Variants in COA1 observed in about 807,000 individuals in gnomAD.
COA1 encodes cytochrome c oxidase assembly factor 1 homolog.
COA1 carries 13 observed loss-of-function variants against 16.0 expected under a neutral mutation model. The ratio of observed to expected loss-of-function variants is 0.81; its 90% CI spans 0.53 to 1.29. The LOEUF is 1.29. Among genes scored for constraint, COA1 ranks in the 50% most tolerant of loss-of-function variants. The pLI is 0.00. For synonymous variants in COA1, 65 were observed against 65.7 expected, an observed-to-expected ratio of 0.99 and a Z score of 0.05; for missense variants, 179 against 177.0, an observed-to-expected ratio of 1.01 and a Z score of -0.06.
chr7:43,617,093 G>A (rs1253065106), intron 6 of COA1, among the ~76,000 whole-genome samples: 1 of 152,214 alleles, frequency 6.6e-6, no homozygotes, highest in Admixed American at 6.5e-5. Flanking sequence ...GAGGGAGCAT[G>A]GCAAGTATGA....
intron 1 of COA1, among the ~76,000 whole-genome samples, chr7:43,658,000 G>C (rs1180502064): frequency 1.2e-4 from 19 of 152,078 alleles, no homozygotes; most frequent in Admixed American, 1.2e-3. Flanking sequence ...ACTTCAGCCT[G>C]AGAGACAGAG....
intron 1 of COA1, among the ~76,000 whole-genome samples, chr7:43,681,992 TA>T (rs769134486): frequency 6.6e-6 from 1 of 152,172 alleles, no homozygotes; most frequent in Non-Finnish European, 1.5e-5. Flanking sequence ...AATAGATGTA[TA>T]AAAAATAGTG....
intron 6 of COA1, chr7:43,631,589 T>C (rs1583951970): frequency 6.6e-6 from 1 of 152,346 alleles, no homozygotes; most frequent in South Asian, 2.1e-4. Context: ...CTCCATGGTT[T>C]CCAGAGAGAA....
intron 4 of COA1, among the ~76,000 whole-genome samples, chr7:43,644,713 G>C (rs1205635296): frequency 3.9e-5 from 1 of 25,400 alleles, no homozygotes; most frequent in Admixed American, 4.9e-4. Flanking sequence ...AGATAGATTA[G>C]ATAGATAGAT....
chr7:43,704,351 T>C (rs548972563), intron 1 of COA1, among the ~76,000 whole-genome samples: 1 of 152,292 alleles, frequency 6.6e-6, no homozygotes, highest in African/African-American at 2.4e-5. Flanking sequence ...TTCCTAAATT[T>C]GCATGTCCCT....
intron 6 of COA1, among the ~76,000 whole-genome samples, chr7:43,629,918 T>C (rs367689276): frequency 1.1e-3 from 170 of 152,348 alleles, no homozygotes; most frequent in African/African-American, 4.0e-3. Flanking sequence ...AAATTACTTT[T>C]GTGTAACTTA....
chr7:43,723,706 C>A (rs1457457896), intron 1 of COA1, among the ~76,000 whole-genome samples: 1 of 152,072 alleles, frequency 6.6e-6, no homozygotes, highest in Non-Finnish European at 1.5e-5. Context: ...GTGGGCGGAT[C>A]GCTTGAGCTC....
chr7:43,644,764 A>ATGATAGAT (rs1563228896), intron 4 of COA1, among the ~76,000 whole-genome samples: 1 of 74,652 alleles, frequency 1.3e-5, no homozygotes, highest in Non-Finnish European at 3.0e-5. Flanking sequence ...ATAGATAGGC[A>ATGATAGAT]GGCAGGCAGG....
chr7:43,702,349 G>A (rs1467347144), intron 1 of COA1, among the ~76,000 whole-genome samples: 2 of 152,062 alleles, frequency 1.3e-5, no homozygotes, highest in Non-Finnish European at 2.9e-5. Context: ...ATTGAATAGG[G>A]GACTCTTTTC....
intron 1 of COA1, among the ~76,000 whole-genome samples, chr7:43,684,937 G>A (rs373618527): frequency 6.6e-6 from 1 of 152,068 alleles, no homozygotes; most frequent in African/African-American, 2.4e-5. Flanking sequence ...TCAGTGAAGA[G>A]AGTGAGAGAT....
chr7:43,634,111 C>T (rs1049901288), intron 6 of COA1, among the ~76,000 whole-genome samples: 1 of 152,026 alleles, frequency 6.6e-6, no homozygotes, highest in Admixed American at 6.6e-5. Context: ...CATGATTGCT[C>T]ACTGAATCTT....
intron 6 of COA1, among the ~76,000 whole-genome samples, chr7:43,620,807 G>A (rs2083808792): frequency 6.6e-6 from 1 of 152,214 alleles, no homozygotes; most frequent in South Asian, 2.1e-4. Context: ...AAGGTAGGCT[G>A]TCTGGGTCAT....
intron 4 of COA1, among the ~76,000 whole-genome samples, chr7:43,643,306 G>C (rs1404077094): frequency 2.6e-5 from 4 of 152,170 alleles, no homozygotes; most frequent in African/African-American, 9.7e-5. Context: ...GGCGCCTTTG[G>C]CACACAATTC....
At position 43,645,290 on chromosome 7, in the gene COA1, G is replaced by C. The variant is rs941037634; in HGVS notation, c.225C>G (p.Leu75=). ...GPPLNIHYLK[L]IDRENFVDIV... ...TGTCCACGAAGTTTTCCCTGTCGAT[G>C]AGCTTGAGATAATGGATGTTGAGAG... Residue 75 remains leucine (L), a synonymous_variant, in exon 4 of 6, where the codon CTC becomes CTG. Transcript: ENST00000223336. 1.2e-6 allele frequency: 2 copies of C among 1,613,954 alleles called. No homozygotes were observed. The highest frequency in any genetic ancestry group is 1.7e-6 in the Non-Finnish European group (2 of 1,179,992).
At chr7:43,716,216 G>A (rs1054235601) in intron 1 of COA1, among the ~76,000 whole-genome samples, 2 of 152,150 alleles carry the variant, frequency 1.3e-5, no homozygotes, top group Admixed American at 1.3e-4. Flanking sequence ...AACAAGCAGA[G>A]GTTGGAACAG....
chr7:43,689,978 A>C (rs756811552), intron 1 of COA1, among the ~76,000 whole-genome samples: 2 of 152,190 alleles, frequency 1.3e-5, no homozygotes, highest in African/African-American at 4.8e-5. Flanking sequence ...TGAAAAGAGA[A>C]ACAAAGACAG....
At chr7:43,618,992 T>C (rs1237792515) in intron 6 of COA1, among the ~76,000 whole-genome samples, 3 of 151,982 alleles carry the variant, frequency 2.0e-5, no homozygotes, top group Non-Finnish European at 4.4e-5. Flanking sequence ...AAGGAAAACA[T>C]TGAGAAAATT....
At chr7:43,696,567 T>C (rs2094533508) in intron 1 of COA1, among the ~76,000 whole-genome samples, 1 of 152,070 alleles carries the variant, frequency 6.6e-6, no homozygotes, top group South Asian at 2.1e-4. Flanking sequence ...AATATCAACA[T>C]GACTGTAGTT....
chr7:43,623,791 A>ATC (rs1441900931), intron 6 of COA1: 1 of 1,608,284 alleles, frequency 6.2e-7, no homozygotes, highest in Admixed American at 1.7e-5. Context: ...ATTCTTAAAC[A>ATC]TCTCACAGAT....
Sources: allele counts gnomAD v4.1 joint callset (sites outside exome capture counted in the v4.1 genomes callset), GRCh38; gene constraint gnomAD v4.1.1; transcripts MANE v1.5; gene names NCBI Gene and HGNC (gene_info 2026-07-23, HGNC 2026-07-21).